Variants in RELN observed in about 807,000 individuals in gnomAD.
RELN encodes reelin.
A neutral mutation model predicts 427.6 loss-of-function variants in RELN; 108 were observed. That is an observed-to-expected ratio of 0.25 (90% confidence interval 0.22 to 0.30). The LOEUF is 0.30. Among genes scored for constraint, RELN ranks in the 10% least tolerant of loss-of-function variants. The probability of loss-of-function intolerance (pLI) is 1.00; values close to 1 mark genes in which losing one functional copy is unlikely to be tolerated. For missense variants in RELN, 3,715 were observed against 4,302.8 expected (o/e 0.86, Z 3.82); for synonymous variants, 1,524 against 1,513.4 (o/e 1.01, Z -0.16).
intron 8 of RELN, among the ~76,000 whole-genome samples, chr7:103,710,662 A>G (rs1026588365): frequency 5.3e-5 from 8 of 152,252 alleles, no homozygotes; most frequent in Admixed American, 2.6e-4. Context: ...ATTAAGCATC[A>G]ACTCTGATCT....
chr7:103,878,326 C>T (rs1274644088), intron 2 of RELN, among the ~76,000 whole-genome samples: 1 of 152,192 alleles, frequency 6.6e-6, no homozygotes, highest in Admixed American at 6.5e-5. Context: ...CCTCAAGCTA[C>T]CACTGTGACT....
At chr7:103,572,084 G>C in intron 31 of RELN, 100 bp downstream of exon 31, 1 of 744,786 alleles carries the variant, frequency 1.3e-6, no homozygotes, top group Admixed American at 1.9e-5. Context: ...AATGATTCAG[G>C]GTAATGTATC....
intron 2 of RELN, among the ~76,000 whole-genome samples, chr7:103,887,622 G>T (rs1340529044): frequency 1.3e-5 from 2 of 152,176 alleles, no homozygotes; most frequent in African/African-American, 2.4e-5. Flanking sequence ...TGGGATGAGA[G>T]AATTAGGAAC....
chr7:103,930,868 ATGTGTGTGTGTGTGTGTGTG>A (rs60265174), intron 1 of RELN, among the ~76,000 whole-genome samples: 71 of 142,002 alleles, frequency 5.0e-4, no homozygotes, highest in African/African-American at 1.7e-3. Flanking sequence ...GTGTGAGCAT[ATGTGTGTGTGTGTGTGTGTG>A]TGTGTGTGTG....
At chr7:103,891,890 G>A (rs373737304) in intron 2 of RELN, among the ~76,000 whole-genome samples, 9 of 152,060 alleles carry the variant, frequency 5.9e-5, no homozygotes, top group African/African-American at 2.2e-4. Context: ...TTTCTTTCCA[G>A]CATTCTAGAC....
Position 103,497,797 on chromosome 7 carries a change from TG to T in RELN, c.8950+22del, listed in dbSNP as rs769751842. Reference sequence around the variant, plus strand: ...GAATTTGGGAATCTGCTCCAAGGGGTGGTTTTCACCCCTGACACATGCCTCC... The same window carrying T: ...GAATTTGGGAATCTGCTCCAAGGGGTGTTTTCACCCCTGACACATGCCTCC... On this transcript the variant is annotated intron_variant, in intron 55 of 64. Coordinates refer to ENST00000428762, the MANE Select transcript of RELN (RefSeq NM_005045.4). The T allele has an allele frequency of 5.3e-4, 852 of 1,596,802 alleles. 1 individual carries two copies. Among genetic ancestry groups the T allele is most frequent in the Non-Finnish European group, 6.9e-4 (804 of 1,164,308 alleles).
intron 43 of RELN, among the ~76,000 whole-genome samples, chr7:103,541,464 T>C (rs3025928): frequency 0.023 from 3,536 of 152,310 alleles, 129 homozygotes; most frequent in African/African-American, 0.081. Context: ...CCCATTCATT[T>C]ATCTCATGAC....
At chr7:103,983,644 G>A (rs1056036360) in intron 1 of RELN, among the ~76,000 whole-genome samples, 1 of 152,038 alleles carries the variant, frequency 6.6e-6, no homozygotes, top group Non-Finnish European at 1.5e-5. Flanking sequence ...TAAAGAGGGT[G>A]GATTAATCAC....
In RELN at chr7:103,490,750, G is replaced by T; in HGVS notation, c.9523C>A (p.His3175Asn). Residue 3175 changes from histidine (H) to asparagine (N), a missense_variant, in exon 59 of 65, where the codon CAT becomes AAT. By Grantham distance (68) the His-to-Asn change is moderately conservative (BLOSUM62 1). Around this residue, in one of 4 missense-constraint regions of RELN, gnomAD observed 1,310 missense variants for 1,643.0 expected, o/e 0.80. Coordinates refer to ENST00000428762, the MANE Select transcript of RELN (RefSeq NM_005045.4). The part of the protein sequence containing the change: ...NSIGCSPFQF[H>N]EATIYNSVNS... ...ACAGAGTTGTAGATGGTGGCTTCAT[G>T]GAACTGGAAAGGGGAGCAGCCAATG... 1 of 1,614,230 alleles carries T rather than the reference G, an allele frequency of 6.2e-7. No homozygotes were observed. Among genetic ancestry groups the T allele is most frequent in the South Asian group, 1.1e-5 (1 of 91,086 alleles).
At chr7:103,951,899 C>T (rs1481586609) in intron 1 of RELN, among the ~76,000 whole-genome samples, 1 of 152,216 alleles carries the variant, frequency 6.6e-6, no homozygotes, top group Non-Finnish European at 1.5e-5. Flanking sequence ...TCTCAAACTC[C>T]TGACCTCAGG....
intron 46 of RELN, among the ~76,000 whole-genome samples, chr7:103,534,211 A>G (rs1181794800): frequency 6.6e-6 from 1 of 152,230 alleles, no homozygotes; most frequent in African/African-American, 2.4e-5. Flanking sequence ...AGCCCAAACT[A>G]TAACTCCTGT....
At chr7:103,890,107 T>C (rs4107712) in intron 2 of RELN, among the ~76,000 whole-genome samples, 118,914 of 152,064 alleles carry the variant, frequency 0.78, 46,551 homozygotes, top group East Asian at 0.87. Flanking sequence ...CTCATCACTA[T>C]GTCTCTGGTT....
chr7:103,847,436 G>C (rs992949195), intron 2 of RELN, among the ~76,000 whole-genome samples: 2 of 152,156 alleles, frequency 1.3e-5, no homozygotes, highest in East Asian at 3.9e-4. Context: ...GGCTAGAGGA[G>C]GGATAGCACT....
intron 42 of RELN, among the ~76,000 whole-genome samples, chr7:103,543,913 C>T (rs976054367): frequency 6.6e-6 from 1 of 152,140 alleles, no homozygotes; most frequent in African/African-American, 2.4e-5. Flanking sequence ...GTTAAACTGT[C>T]ACTGTCCCCT....
intron 27 of RELN, among the ~76,000 whole-genome samples, chr7:103,591,235 A>G (rs1831409261): frequency 6.6e-6 from 1 of 152,232 alleles, no homozygotes; most frequent in Non-Finnish European, 1.5e-5. Context: ...ATTTTGTTGT[A>G]AAAGACTTTA....
chr7:103,895,363 T>C (rs890933287), intron 2 of RELN, among the ~76,000 whole-genome samples: 2 of 152,028 alleles, frequency 1.3e-5, no homozygotes, highest in African/African-American at 4.8e-5. Flanking sequence ...CCCATTAAAA[T>C]TTCCCCAACT....
At chr7:103,882,103 C>T (rs77841465) in intron 2 of RELN, among the ~76,000 whole-genome samples, 1,563 of 152,172 alleles carry the variant, frequency 0.01, 28 homozygotes, top group African/African-American at 0.035. Flanking sequence ...ATTCTCTGAA[C>T]CAAAGCACAG....
chr7:103,956,919 ATT>A (rs71519164), intron 1 of RELN, among the ~76,000 whole-genome samples: 1 of 152,150 alleles, frequency 6.6e-6, no homozygotes, highest in Non-Finnish European at 1.5e-5. Flanking sequence ...ATGAATGGAT[ATT>A]TTTGGTGTCT....
At chr7:103,984,773 A>G (rs1206996411) in intron 1 of RELN, among the ~76,000 whole-genome samples, 1 of 152,234 alleles carries the variant, frequency 6.6e-6, no homozygotes, top group Non-Finnish European at 1.5e-5. Flanking sequence ...AAATACACTG[A>G]TTCCAGAATC....
Sources: gnomAD v4.1 joint callset for allele counts (sites outside exome capture counted in the v4.1 genomes callset) on GRCh38, gnomAD v4.1.1 for gene constraint, gnomAD v4.1.1 regional missense constraint, MANE v1.5 for transcripts, NCBI Gene and HGNC (gene_info 2026-07-23, HGNC 2026-07-21) for gene names.